Variants in LGI2 observed in about 807,000 individuals in gnomAD.
LGI2 encodes leucine-rich repeat LGI family member 2.
A neutral mutation model predicts 52.0 loss-of-function variants in LGI2; 30 were observed. That is an observed-to-expected ratio of 0.58 (90% CI 0.43 to 0.78). LGI2 has a LOEUF of 0.78. Ranked by LOEUF, LGI2 falls within the 30% of genes least tolerant of loss-of-function variation. LGI2 has a pLI of 0.00. For missense variants in LGI2, 573 were observed against 692.5 expected (o/e 0.83, Z 1.94); for synonymous variants, 270 against 271.8 (o/e 0.99, Z 0.06).
At chr4:24,993,308 G>A in the LGI2 span, among the ~76,000 whole-genome samples, 6 of 152,104 alleles carry the variant, frequency 3.9e-5, no homozygotes, top group East Asian at 1.9e-4. Flanking sequence ...TGTGTGACCC[G>A]GGGAAGCTCT....
chr4:25,017,054 G>A (rs1019785785), intron 6 of LGI2, among the ~76,000 whole-genome samples: 1 of 152,176 alleles, frequency 6.6e-6, no homozygotes, highest in Non-Finnish European at 1.5e-5. Context: ...CTTATAACCT[G>A]AAAAATGTAT....
intron 7 of LGI2, among the ~76,000 whole-genome samples, chr4:25,011,430 T>C (rs956117971): frequency 2.6e-5 from 4 of 151,520 alleles, no homozygotes; most frequent in Non-Finnish European, 5.9e-5. Flanking sequence ...CCGTTGTACA[T>C]CTCACACCGA....
chr4:24,993,581 C>A, the LGI2 span, among the ~76,000 whole-genome samples: 1 of 152,170 alleles, frequency 6.6e-6, no homozygotes, highest in East Asian at 1.9e-4. Flanking sequence ...CCTGCCTTGC[C>A]TCCCACCCCA....
intron 3 of LGI2, 35 bp downstream of exon 3, chr4:25,026,833 G>C (rs199688892): frequency 3.3e-6 from 5 of 1,505,130 alleles, no homozygotes; most frequent in Admixed American, 3.3e-5. Context: ...CCAAGATACC[G>C]AATGTTCAGC....
At chr4:25,024,982 A>G (rs779298284) in intron 3 of LGI2, 91 bp from the exon 4 acceptor site, 17 of 825,348 alleles carry the variant, frequency 2.1e-5, no homozygotes, top group African/African-American at 3.5e-5. Flanking sequence ...TAAAATCTAA[A>G]AGTATTCCTG....
At chr4:24,992,185 T>G in the LGI2 span, among the ~76,000 whole-genome samples, 2 of 152,194 alleles carry the variant, frequency 1.3e-5, no homozygotes, top group African/African-American at 2.4e-5. Context: ...TCTCCCTCCC[T>G]TAGGCAAGAC....
At chr4:24,998,657 TA>T (rs1435037358), downstream of LGI2, among the ~76,000 whole-genome samples, 1 of 152,198 alleles carries the variant, frequency 6.6e-6, no homozygotes, top group Non-Finnish European at 1.5e-5. Context: ...AGTGAATTTT[TA>T]GTGACTTTTG....
At chr4:25,025,042 T>C (rs770809321) in intron 3 of LGI2, 151 bp from the exon 4 acceptor site, 2 of 578,978 alleles carry the variant, frequency 3.5e-6, no homozygotes, top group African/African-American at 1.9e-5. Flanking sequence ...CCAAATTCCA[T>C]GTGGTAGCAG....
downstream of LGI2, among the ~76,000 whole-genome samples, chr4:24,994,108 T>TA (rs1299672459): frequency 1.3e-5 from 2 of 152,014 alleles, no homozygotes; most frequent in African/African-American, 4.8e-5. Context: ...AAACAGCAAA[T>TA]AAAAAACCTA....
chr4:24,996,867 G>A (rs561479630), downstream of LGI2, among the ~76,000 whole-genome samples: 1 of 152,314 alleles, frequency 6.6e-6, no homozygotes. Flanking sequence ...GTGGATTTCT[G>A]GGGTAGACAC....
At chr4:25,020,357 AT>A (rs1725916658) in intron 4 of LGI2, among the ~76,000 whole-genome samples, 1 of 152,184 alleles carries the variant, frequency 6.6e-6, no homozygotes, top group African/African-American at 2.4e-5. Flanking sequence ...ATGATTCAGG[AT>A]TTTGCAGTGC....
chr4:24,994,134 AGAACAGAGCTTTGCT>A (rs755977696), downstream of LGI2, among the ~76,000 whole-genome samples: 142 of 152,330 alleles, frequency 9.3e-4, no homozygotes, highest in Non-Finnish European at 9.8e-4. Context: ...GAGTGTGCAG[AGAACAGAGCTTTGCT>A]GAACAACATC....
intron 7 of LGI2, among the ~76,000 whole-genome samples, chr4:25,011,222 G>T (rs1725574115): frequency 6.6e-6 from 1 of 152,050 alleles, no homozygotes; most frequent in Non-Finnish European, 1.5e-5. Flanking sequence ...CAGGACAAAG[G>T]GGGAAGCACA....
chr4:25,028,728 T>G, intron 1 of LGI2, 150 bp from the exon 2 acceptor site: 4 of 650,808 alleles, frequency 6.1e-6, no homozygotes, highest in Non-Finnish European at 1.1e-5. Context: ...TTCCCCGGGG[T>G]AGGAATAAGA....
intron 6 of LGI2, among the ~76,000 whole-genome samples, chr4:25,014,855 G>A (rs369090409): frequency 5.9e-5 from 6 of 101,898 alleles, no homozygotes; most frequent in Admixed American, 9.6e-5. Flanking sequence ...AAAAAAAAAA[G>A]AGAGAGAGAG....
chr4:24,995,661 A>G (rs767824477), downstream of LGI2, among the ~76,000 whole-genome samples: 29 of 152,184 alleles, frequency 1.9e-4, no homozygotes, highest in Admixed American at 3.3e-4. Context: ...CTTTTGCCAC[A>G]TTCTACTCCT....
At chr4:25,012,291 A>T (rs747507074) in intron 7 of LGI2, 44 bp downstream of exon 7, 1 of 1,607,212 alleles carries the variant, frequency 6.2e-7, no homozygotes, top group Non-Finnish European at 8.5e-7. Flanking sequence ...GCTTGCCGCA[A>T]TGCTGAAATT....
chr4:25,019,075 G>T, intron 5 of LGI2, 92 bp downstream of exon 5: 2 of 803,248 alleles, frequency 2.5e-6, no homozygotes, highest in Non-Finnish European at 4.3e-6. Context: ...CAGCATAAAA[G>T]AAATGCATAA....
At chr4:25,020,824 C>T (rs1725934010) in intron 4 of LGI2, among the ~76,000 whole-genome samples, 1 of 152,162 alleles carries the variant, frequency 6.6e-6, no homozygotes, top group African/African-American at 2.4e-5. Flanking sequence ...AATAAAATTT[C>T]ATGTACTCTT....
Sources: allele counts gnomAD v4.1 joint callset (sites outside exome capture counted in the v4.1 genomes callset), GRCh38; gene constraint gnomAD v4.1.1; transcripts MANE v1.5; gene names NCBI Gene and HGNC (gene_info 2026-07-23, HGNC 2026-07-21).